ANKFN1: variants seen among roughly 807,000 people sequenced by gnomAD.
The protein encoded by ANKFN1 is ankyrin repeat and fibronectin type III domain containing 1.
Under a neutral mutation model 108.7 loss-of-function variants are expected in ANKFN1, and 74 were observed. The ratio of observed to expected loss-of-function variants is 0.68; its 90% confidence interval spans 0.56 to 0.83. The LOEUF (loss-of-function observed/expected upper bound fraction) is 0.83, where lower values mean the gene tolerates loss of function less well. ANKFN1 is among the 40% of genes least tolerant of loss of function. The probability of loss-of-function intolerance (pLI) is 0.00; values close to 1 mark genes in which losing one functional copy is unlikely to be tolerated. For missense variants in ANKFN1, 1,505 were observed against 1,382.3 expected (o/e 1.09, Z -1.41); for synonymous variants, 547 against 516.2 (o/e 1.06, Z -0.81).
At chr17:56,140,298 A>G (rs1220811149) in intron 4 of ANKFN1, among the ~76,000 whole-genome samples, 1 of 152,146 alleles carries the variant, frequency 6.6e-6, no homozygotes, top group Non-Finnish European at 1.5e-5. Context: ...GAATTTGTCC[A>G]TTAATACCCA....
chr17:56,111,072 T>A (rs1289954447), intron 4 of ANKFN1: 2 of 152,448 alleles, frequency 1.3e-5, no homozygotes, highest in Middle Eastern at 3.4e-3. Context: ...TTTCTCAGGT[T>A]TTAGGGGTAG....
chr17:56,420,993 C>A lies in ANKFN1; in HGVS notation c.911-19334C>A, dbSNP rs563410116. ...AAAGTCCTGGGATTACAGGCGTGAG[C>A]CACTGGGTCCGGCCGACTCCTTCTT... On this transcript the variant is annotated intron_variant, in intron 8 of 20. Transcript: ENST00000682825. Among the ~76,000 whole-genome samples, 3 of 152,248 alleles carry A rather than the reference C, an allele frequency of 2.0e-5. No homozygotes were observed. The East Asian group carries it at 5.8e-4, about 29-fold the overall frequency.
chr17:56,163,917 T>G (rs1909910086), intron 1 of ANKFN1, among the ~76,000 whole-genome samples: 1 of 152,210 alleles, frequency 6.6e-6, no homozygotes, highest in East Asian at 1.9e-4. Context: ...CTTTCCTCAG[T>G]GTAGGCGTAA....
chr17:56,344,407 T>G (rs543295650), intron 4 of ANKFN1, among the ~76,000 whole-genome samples: 6 of 152,022 alleles, frequency 3.9e-5, no homozygotes, highest in Non-Finnish European at 8.8e-5. Flanking sequence ...ATGTGTGTGT[T>G]GGGGCACACC....
Position 56,095,471 on chromosome 17 carries a change from T to TTTG in ANKFN1, c.288+49159_288+49161dup, listed in dbSNP as rs986393944. Among the ~76,000 whole-genome samples, 28 of 150,690 alleles carry TTTG rather than the reference T, an allele frequency of 1.9e-4. 1 individual carries two copies. Among genetic ancestry groups the TTTG allele is most frequent in the Non-Finnish European group, 3.3e-4 (22 of 67,586 alleles). ...CACACCCAGCTAATTTTTGCGTCTTTTTGTTGTTGTTGTTGAGATGGGATC... is the reference window on the plus strand; with the variant it reads ...CACACCCAGCTAATTTTTGCGTCTTTTTGTTGTTGTTGTTGTTGAGATGGGATC... On this transcript the variant is annotated intron_variant, in intron 4 of 12. Coordinates refer to the ANKFN1 transcript ENST00000635860.
intron 3 of ANKFN1, among the ~76,000 whole-genome samples, chr17:56,317,031 C>T (rs975826409): frequency 2.0e-5 from 3 of 152,214 alleles, no homozygotes; most frequent in Non-Finnish European, 2.9e-5. Flanking sequence ...AGAGAGATCA[C>T]ATATATTGAC....
intron 6 of ANKFN1, chr17:56,368,275 A>AAATTTTTTTTTTTTTTT: frequency 3.2e-5 from 1 of 31,328 alleles, no homozygotes; most frequent in Non-Finnish European, 1.0e-4. Context: ...CTGAAAATGA[A>AAATTTTTTTTTTTTTTT]CTTTTTTTTT....
intron 2 of ANKFN1, among the ~76,000 whole-genome samples, chr17:56,224,207 A>T (rs1244920912): frequency 6.6e-6 from 1 of 152,230 alleles, no homozygotes; most frequent in Non-Finnish European, 1.5e-5. Context: ...TTATTGTCTG[A>T]TCACTGGCAT....
intron 8 of ANKFN1, among the ~76,000 whole-genome samples, chr17:56,407,470 G>T (rs556867059): frequency 3.9e-5 from 6 of 152,302 alleles, no homozygotes; most frequent in Non-Finnish European, 8.8e-5. Flanking sequence ...AGTAAGTGAA[G>T]AAACCAGAAT....
chr17:56,180,022 A>G (rs1383052374), intron 1 of ANKFN1, among the ~76,000 whole-genome samples: 2 of 152,220 alleles, frequency 1.3e-5, no homozygotes, highest in Non-Finnish European at 2.9e-5. Context: ...ATGTGAATAA[A>G]TAAGTCAACA....
chr17:56,510,441 A>G, intron 20 of ANKFN1, 32 bp from the exon 21 acceptor site: 2 of 1,524,354 alleles, frequency 1.3e-6, no homozygotes, highest in Non-Finnish European at 1.8e-6. Flanking sequence ...CTAAGACTAT[A>G]TTTTTCCTAA....
intron 1 of ANKFN1, among the ~76,000 whole-genome samples, chr17:56,201,907 G>A (rs1367656229): frequency 6.6e-6 from 1 of 152,162 alleles, no homozygotes; most frequent in East Asian, 1.9e-4. Flanking sequence ...CCCTGCACTG[G>A]AAGAAGAAAT....
At chr17:56,161,143 T>C (rs945779891) in intron 1 of ANKFN1, among the ~76,000 whole-genome samples, 7 of 152,198 alleles carry the variant, frequency 4.6e-5, no homozygotes, top group African/African-American at 1.4e-4. Flanking sequence ...AAAATAAAGA[T>C]TGTAATAGTA....
chr17:56,474,187 G>A (rs1473531769), intron 15 of ANKFN1, among the ~76,000 whole-genome samples: 1 of 152,030 alleles, frequency 6.6e-6, no homozygotes, highest in African/African-American at 2.4e-5. Context: ...CTGGTCCTCA[G>A]GACCAATCCC....
intron 4 of ANKFN1, among the ~76,000 whole-genome samples, chr17:56,132,564 G>T (rs1472830295): frequency 6.6e-6 from 1 of 152,162 alleles, no homozygotes; most frequent in African/African-American, 2.4e-5. Flanking sequence ...CGCAAACAGA[G>T]TAGGTCATTG....
intron 6 of ANKFN1, among the ~76,000 whole-genome samples, chr17:56,367,629 T>G (rs2046696273): frequency 6.6e-6 from 1 of 152,126 alleles, no homozygotes; most frequent in South Asian, 2.1e-4. Flanking sequence ...AGACCCTCCA[T>G]TGTGCTGGTA....
intron 8 of ANKFN1, among the ~76,000 whole-genome samples, chr17:56,416,439 AG>A (rs2048242382): frequency 6.6e-6 from 1 of 152,250 alleles, no homozygotes; most frequent in Non-Finnish European, 1.5e-5. Context: ...AATGAAAAAC[AG>A]GCATATTAAA....
At chr17:56,235,261 C>T (rs548008157) in intron 3 of ANKFN1, among the ~76,000 whole-genome samples, 37 of 152,122 alleles carry the variant, frequency 2.4e-4, no homozygotes, top group South Asian at 2.1e-3. Flanking sequence ...TAGACCTTTG[C>T]GAGATGCATA....
At chr17:56,406,134 T>C (rs1013456420) in intron 8 of ANKFN1, among the ~76,000 whole-genome samples, 4 of 152,180 alleles carry the variant, frequency 2.6e-5, no homozygotes, top group African/African-American at 4.8e-5. Context: ...AAGGCTACCA[T>C]AAAGGAATAG....
Sources: allele counts gnomAD v4.1 joint callset (sites outside exome capture counted in the v4.1 genomes callset), GRCh38; gene constraint gnomAD v4.1.1; transcripts MANE v1.5; gene names NCBI Gene and HGNC (gene_info 2026-07-23, HGNC 2026-07-21).